IDH1: variants seen among roughly 807,000 people sequenced by gnomAD.
IDH1 encodes isocitrate dehydrogenase [NADP] cytoplasmic.
A neutral mutation model predicts 46.1 loss-of-function variants in IDH1; 33 were observed. The observed-to-expected ratio is 0.72, with a 90% CI of 0.54 to 0.96. The LOEUF is 0.96. IDH1 is among the 40% of genes least tolerant of loss of function. The pLI, the probability that IDH1 is intolerant of heterozygous loss-of-function variation, is 0.00. For synonymous variants in IDH1, 144 were observed against 172.8 expected (o/e 0.83, Z 1.31); for missense variants, 421 against 515.7 (o/e 0.82, Z 1.78).
intron 9 of IDH1, among the ~76,000 whole-genome samples, chr2:208,238,371 C>T (rs9646837): frequency 0.99 from 150,383 of 152,272 alleles, 74,294 homozygotes; most frequent in Middle Eastern, 1. Context: ...AATTAAGAAA[C>T]ATGCAGTGAC....
chr2:208,245,414 G>A lies in IDH1; in HGVS notation c.425C>T (p.Thr142Ile), dbSNP rs1315254690. 5.0e-6 allele frequency: 8 copies of A among 1,603,726 alleles called. No homozygotes were observed. In the East Asian group the frequency reaches 1.8e-4, roughly 36 times the overall value. The change falls in exon 5 of 10, where the codon ACT (threonine) becomes ATT (isoleucine). Residue 142 changes from threonine to isoleucine, a missense_variant. Physicochemically the swap from Thr to Ile is moderately conservative, Grantham distance 89 (BLOSUM62 -1). Transcript: ENST00000345146. ...RHAYGDQYRA[T>I]DFVVPGPGKV... The stretch of plus-strand genomic sequence containing the variant: ...TCCAGGCCCAGGAACAACAAAATCA[G>A]TTGCTCTGTACTGTGTAGAGGGGAA...
chr2:208,240,088 T>G (rs1296461150), intron 7 of IDH1, 85 bp from the exon 8 acceptor site: 9 of 1,400,566 alleles, frequency 6.4e-6, no homozygotes, highest in Non-Finnish European at 9.1e-6. Flanking sequence ...AATGACTCAA[T>G]CTTGATAGGT....
At chr2:208,248,683 CAA>C (rs1448997421) in intron 3 of IDH1, 23 bp from the exon 4 acceptor site, 11 of 1,606,580 alleles carry the variant, frequency 6.8e-6, no homozygotes, top group Admixed American at 1.7e-5. Context: ...AAATTAGAAG[CAA>C]AGTTTTTCAG....
chr2:208,238,074 C>T (rs1306113669), intron 9 of IDH1, among the ~76,000 whole-genome samples: 2 of 147,640 alleles, frequency 1.4e-5, no homozygotes, highest in African/African-American at 5.0e-5. Flanking sequence ...CTCGCTCTGT[C>T]ACGCAGGCTG....
intron 5 of IDH1, 118 bp from the exon 6 acceptor site, chr2:208,243,722 A>C (rs1294785377): frequency 2.4e-6 from 2 of 827,828 alleles, no homozygotes; most frequent in East Asian, 5.3e-5. Flanking sequence ...CTCACATCTG[A>C]GACTAGATTT....
chr2:208,254,341 A>T (rs373541342), intron 1 of IDH1: 11 of 138,138 alleles, frequency 8.0e-5, no homozygotes, highest in African/African-American at 2.7e-4. Flanking sequence ...TGGTGCTGGG[A>T]CCTTTTAAAC....
intron 6 of IDH1, 30 bp from the exon 7 acceptor site, chr2:208,242,175 A>G (rs370896578): frequency 8.1e-6 from 13 of 1,606,244 alleles, no homozygotes; most frequent in Non-Finnish European, 1.0e-5. Flanking sequence ...AGAGAATAAT[A>G]ATAAAGAAAA....
intron 7 of IDH1, 55 bp downstream of exon 7, chr2:208,241,939 T>TA: frequency 1.9e-6 from 3 of 1,592,864 alleles, no homozygotes; most frequent in Non-Finnish European, 2.6e-6. Flanking sequence ...CTTCCCAAAT[T>TA]AGAGAACTAC....
chr2:208,242,213 T>G (rs1687932389), intron 6 of IDH1, 68 bp from the exon 7 acceptor site: 2 of 1,440,518 alleles, frequency 1.4e-6, no homozygotes, highest in South Asian at 1.1e-5. Flanking sequence ...ATCATCTGCT[T>G]GTCCCAAACA....
intron 4 of IDH1, 101 bp downstream of exon 4, chr2:208,248,268 T>C (rs1688058795): frequency 2.0e-6 from 2 of 987,000 alleles, no homozygotes; most frequent in Non-Finnish European, 1.6e-6. Context: ...GCTTAATGGG[T>C]GTAGATACCA....
chr2:208,242,158 A>G lies in IDH1; in HGVS notation c.699-13T>C, dbSNP rs2124852026. On this transcript the variant is annotated splice_polypyrimidine_tract_variant and intron_variant, in intron 6 of 9. Transcript: ENST00000345146. The stretch of plus-strand genomic sequence containing the variant: ...GGACTTGTACTGCCTGGGAAACAAA[A>G]GGTAAAAGAGAATAATAATAAAGAA... The G allele has an allele frequency of 1.2e-6, 2 of 1,612,436 alleles. No homozygotes were observed. Among genetic ancestry groups the G allele is most frequent in the Non-Finnish European group, 1.7e-6 (2 of 1,178,624 alleles).
At chr2:208,242,676 G>C (rs1315164125) in intron 6 of IDH1, among the ~76,000 whole-genome samples, 1 of 152,008 alleles carries the variant, frequency 6.6e-6, no homozygotes, top group Non-Finnish European at 1.5e-5. Context: ...CTCACCTCCT[G>C]TGCTGTGGAA....
At chr2:208,253,573 T>C (rs1461057369) in intron 2 of IDH1, among the ~76,000 whole-genome samples, 2 of 152,094 alleles carry the variant, frequency 1.3e-5, no homozygotes. Flanking sequence ...TTCCAGAAAA[T>C]AAACCTGGAA....
intron 7 of IDH1, among the ~76,000 whole-genome samples, chr2:208,240,843 G>T (rs1403297836): frequency 1.3e-5 from 2 of 152,168 alleles, no homozygotes; most frequent in Non-Finnish European, 2.9e-5. Flanking sequence ...TTGTGAGGAT[G>T]TAGAGAAACA....
intron 2 of IDH1, among the ~76,000 whole-genome samples, chr2:208,253,266 A>G (rs1415408340): frequency 6.6e-6 from 1 of 152,272 alleles, no homozygotes; most frequent in Non-Finnish European, 1.5e-5. Flanking sequence ...CTCATAATGC[A>G]TACTTCAGAC....
At chr2:208,239,759 TTGG>T in intron 8 of IDH1, 101 bp downstream of exon 8, 1 of 1,053,306 alleles carries the variant, frequency 9.5e-7, no homozygotes, top group Non-Finnish European at 1.5e-6. Context: ...AATCAGCTAC[TTGG>T]TGATGACTTT....
At chr2:208,251,635 T>A in intron 2 of IDH1, 68 bp from the exon 3 acceptor site, 1 of 1,282,484 alleles carries the variant, frequency 7.8e-7, no homozygotes, top group Non-Finnish European at 1.1e-6. Context: ...ATAAACAACG[T>A]AGTGTTTATA....
Position 208,248,469 on chromosome 2 carries a change from C to T in IDH1, c.314G>A (p.Gly105Asp), listed in dbSNP as rs1210349032. ...PNGTIRNILG[G>D]TVFREAIICK... ...GATAATGGCTTCTCTGAAGACCGTG[C>T]CACCCAGAATATTTCGTATGGTGCC... The change falls in exon 4 of 10, where the codon GGC becomes GAC. Residue 105 changes from glycine to aspartate, a missense_variant. Physicochemically the swap from Gly to Asp is moderately conservative, Grantham distance 94 (BLOSUM62 -1). Transcript: ENST00000345146. The T allele has an allele frequency of 1.2e-6, 2 of 1,613,906 alleles. No homozygotes were observed. The highest frequency in any genetic ancestry group is 1.7e-6 in the Non-Finnish European group (2 of 1,179,898).
At chr2:208,240,110 A>G in intron 7 of IDH1, 107 bp from the exon 8 acceptor site, 1 of 1,155,246 alleles carries the variant, frequency 8.7e-7, no homozygotes. Context: ...TTGGTAAGCA[A>G]AGTAAACAAG....
Sources: allele counts gnomAD v4.1 joint callset (sites outside exome capture counted in the v4.1 genomes callset), GRCh38; gene constraint gnomAD v4.1.1; transcripts MANE v1.5; gene names NCBI Gene and HGNC (gene_info 2026-07-23, HGNC 2026-07-21).